The following AGA variants were observed in gnomAD, a reference collection of about 807,000 sequenced individuals.
AGA encodes the protein N(4)-(beta-N-acetylglucosaminyl)-L-asparaginase.
AGA carries 31 observed loss-of-function variants against 40.1 expected under a neutral mutation model. The observed-to-expected ratio is 0.77, with a 90% CI of 0.58 to 1.04. The LOEUF (loss-of-function observed/expected upper bound fraction) is 1.04, where lower values mean the gene tolerates loss of function less well. Among genes scored for constraint, AGA ranks in the 50% least tolerant of loss-of-function variants. The probability of loss-of-function intolerance (pLI) is 0.00; values close to 1 mark genes in which losing one functional copy is unlikely to be tolerated. For synonymous variants in AGA, 148 were observed against 144.0 expected, an observed-to-expected ratio of 1.03 and a Z score of -0.20; for missense variants, 445 against 435.4, an observed-to-expected ratio of 1.02 and a Z score of -0.20.
intron 1 of AGA, among the ~76,000 whole-genome samples, chr4:177,441,864 G>T (rs1025258184): frequency 1.3e-5 from 2 of 152,196 alleles, no homozygotes; most frequent in Non-Finnish European, 2.9e-5. Flanking sequence ...AAATTGCAAA[G>T]AAGTGAAGGA....
At chr4:177,442,154 G>A in intron 1 of AGA, 95 bp downstream of exon 1, 4 of 1,559,406 alleles carry the variant, frequency 2.6e-6, no homozygotes, top group Non-Finnish European at 3.5e-6. Flanking sequence ...GCGCTCTTCC[G>A]TCCGCCCTGC....
chr4:177,438,900 G>A, intron 3 of AGA, 43 bp from the exon 4 acceptor site: 1 of 1,252,890 alleles, frequency 8.0e-7, no homozygotes, highest in Non-Finnish European at 1.2e-6. Context: ...TTCAAGTATT[G>A]TCTTTTCAAC....
rs567783413 is a variant in AGA at position 177,434,611 on chromosome 4, A to G, written c.699-122T>C. The G allele has an allele frequency of 5.9e-5, 47 of 796,644 alleles. 1 individual carries two copies. Among genetic ancestry groups the G allele is most frequent in the Non-Finnish European group, 9.9e-5 (46 of 464,608 alleles). 49.3% of individuals were successfully genotyped at this position (796,644 alleles called of 1,614,324 possible). On this transcript the variant is annotated intron_variant, in intron 6 of 8. Transcript: ENST00000264595. Reference sequence around the variant, plus strand: ...TGATACCGTTTTAAGTAAATTCTTCATCGGAACAAAGACAGAACAGGTCTT... The same window carrying G: ...TGATACCGTTTTAAGTAAATTCTTCGTCGGAACAAAGACAGAACAGGTCTT...
intron 1 of AGA, among the ~76,000 whole-genome samples, chr4:177,441,580 C>T (rs1207054610): frequency 6.6e-6 from 1 of 152,128 alleles, no homozygotes; most frequent in African/African-American, 2.4e-5. Flanking sequence ...AGAGGTGATA[C>T]CTTAGCTTAG....
intron 6 of AGA, among the ~76,000 whole-genome samples, 189 bp downstream of exon 6, chr4:177,436,087 C>G (rs1736806109): frequency 1.3e-5 from 2 of 152,200 alleles, no homozygotes; most frequent in South Asian, 4.1e-4. Flanking sequence ...TCTGCCACCC[C>G]TAAACCCTAT....
At position 177,434,439 on chromosome 4, in the gene AGA, G is replaced by C. The variant is rs767529944; in HGVS notation, c.749C>G (p.Thr250Ser). The change falls in exon 7 of 9, where the codon ACT becomes AGT. Residue 250 changes from threonine to serine, a missense_variant. Coordinates refer to ENST00000264595, the MANE Select transcript of AGA (RefSeq NM_000027.4). ...IPGAGAYADDTAGAAAATGNG... is the reference protein window; with the variant it reads ...IPGAGAYADDSAGAAAATGNG... ...CCCAGTGGCTGCGGCTGCCCCTGCA[G>C]TATCGTCAGCATAGGCTCCAGCTCC... 1.7e-5 allele frequency: 27 copies of C among 1,614,082 alleles called. No homozygotes were observed. The highest frequency in any genetic ancestry group is 2.3e-5 in the Non-Finnish European group (27 of 1,180,050).
chr4:177,436,253 T>C, intron 6 of AGA, 23 bp downstream of exon 6: 1 of 1,585,436 alleles, frequency 6.3e-7, no homozygotes, highest in South Asian at 1.1e-5. Context: ...ATTTGAGAGC[T>C]CTGTTCTTTT....
At chr4:177,436,640 C>G (rs915172872) in intron 5 of AGA, among the ~76,000 whole-genome samples, 1 of 152,220 alleles carries the variant, frequency 6.6e-6, no homozygotes, top group Non-Finnish European at 1.5e-5. Flanking sequence ...AAGACGCCAT[C>G]CATGAGCCAG....
At chr4:177,431,899 G>A in intron 8 of AGA, 91 bp from the exon 9 acceptor site, 1 of 1,012,112 alleles carries the variant, frequency 9.9e-7, no homozygotes, top group South Asian at 1.4e-5. Flanking sequence ...CTAGACACTG[G>A]CTACTGTATA....
At chr4:177,435,350 A>C (rs1360257792) in intron 6 of AGA, among the ~76,000 whole-genome samples, 4 of 152,190 alleles carry the variant, frequency 2.6e-5, no homozygotes, top group African/African-American at 9.7e-5. Flanking sequence ...AATACACATA[A>C]TTTTCATTGT....
In AGA at chr4:177,439,466, A is replaced by C. The variant is rs1008879256; in HGVS notation, c.394+110T>G. 10 of 849,546 alleles carry C rather than the reference A, an allele frequency of 1.2e-5. No individual in the cohort carries two copies. The African/African-American group carries it at 1.7e-4, about 14-fold the overall frequency. The allele number at this position is 849,546 out of a possible 1,614,324, so 52.6% of individuals were successfully genotyped here. A position where few individuals can be genotyped will look rare whatever the true frequency, so the allele number is the denominator to read the frequency against. The stretch of plus-strand genomic sequence containing the variant: ...TCCAGTTCAATAGATGTTAAGTAAA[A>C]CAGCTGGAATTTGAACTTAGATCTG... On this transcript the variant is annotated intron_variant, in intron 3 of 8. Transcript: ENST00000264595.
chr4:177,432,268 G>A (rs1736657288), intron 8 of AGA, among the ~76,000 whole-genome samples: 1 of 152,062 alleles, frequency 6.6e-6, no homozygotes, highest in Non-Finnish European at 1.5e-5. Flanking sequence ...GTCTAATCAA[G>A]TTCATCTTCT....
rs1487395161 is a variant in AGA, at chr4:177,430,793, CATTT to C, written c.*911_*914del. On this transcript the variant is annotated 3_prime_UTR_variant, in exon 9 of 9. Transcript: ENST00000264595. ...CTAAAGTTTGAATATCGTACATGTA[CATTT>C]ATTAATGACTGTTGATTAAAAAGAT... 4.4e-6 allele frequency: 2 copies of C among 453,220 alleles called. No homozygotes were observed. Among genetic ancestry groups the C allele is most frequent in the Non-Finnish European group, 8.8e-6 (2 of 226,246 alleles). 28.1% of individuals were successfully genotyped at this position (453,220 alleles called of 1,614,324 possible). A position where few individuals can be genotyped will look rare whatever the true frequency, so the allele number is the denominator to read the frequency against.
rs79341619 is a variant in AGA at position 177,440,693 on chromosome 4, G to A, written c.128-267C>T. 0.022 allele frequency among the ~76,000 whole-genome samples: 3,292 copies of A among 150,562 alleles called. 77 individuals are homozygous for A. Among genetic ancestry groups the A allele is most frequent in the Admixed American group, 0.058 (874 of 15,104 alleles). ...TTACTAATATCTATCTCTTCTGTGT[G>A]CGAGAAACGAAATCAGTATCCCCTC... On this transcript the variant is annotated intron_variant, in intron 1 of 8. Coordinates refer to ENST00000264595, the MANE Select transcript of AGA (RefSeq NM_000027.4).
rs987496865 is a variant in AGA, at chr4:177,437,325, C to T, written c.622+80G>A. ...CAGTTAAAACAATCAAAATCAACTT[C>T]TGGTAGAAGAATAGGGAAGAGCTAC... On this transcript the variant is annotated intron_variant, in intron 5 of 8. Coordinates refer to ENST00000264595, the MANE Select transcript of AGA (RefSeq NM_000027.4). 17 of 977,870 alleles carry T rather than the reference C, an allele frequency of 1.7e-5. No homozygotes were observed. The South Asian group carries it at 2.0e-4, about 12-fold the overall frequency. 60.6% of individuals were successfully genotyped at this position (977,870 alleles called of 1,614,324 possible).
Position 177,438,734 on chromosome 4 carries a change from T to A in AGA, c.507+11A>T, listed in dbSNP as rs1426500064. The stretch of plus-strand genomic sequence containing the variant: ...AATTAACTTATTTTTTTAAATTAAA[T>A]GTGTGCATACCCTCCAATAATTTGG... On this transcript the variant is annotated intron_variant, in intron 4 of 8. Coordinates refer to ENST00000264595, the MANE Select transcript of AGA (RefSeq NM_000027.4). 6.6e-7 allele frequency: 1 copy of A among 1,515,526 alleles called. No homozygotes were observed. The highest frequency in any genetic ancestry group is 9.2e-7 in the Non-Finnish European group (1 of 1,090,486). The allele number at this position is 1,515,526 out of a possible 1,614,324, so 93.9% of individuals were successfully genotyped here.
Position 177,442,403 on chromosome 4 carries a change from GA to G in AGA, c.-29del, listed in dbSNP as rs765570735. 4 of 1,613,636 alleles carry G rather than the reference GA, an allele frequency of 2.5e-6. No homozygotes were observed. The African/African-American group carries it at 4.0e-5, about 16-fold the overall frequency. ...CTGACCACCGAAGAGACCAGCGCGA[GA>G]AAAGTCCCGGCAGCCAGCGATCGCC... is the stretch of plus-strand genomic sequence containing the variant. On this transcript the variant is annotated 5_prime_UTR_variant, in exon 1 of 9. Transcript: ENST00000264595.
At chr4:177,436,221 T>C in intron 6 of AGA, 55 bp downstream of exon 6, 3 of 1,434,322 alleles carry the variant, frequency 2.1e-6, no homozygotes, top group Admixed American at 3.3e-5. Flanking sequence ...ACCCGGCATA[T>C]ATTGCTCTGC....
At chr4:177,432,573 A>C (rs1411800528) in intron 8 of AGA, among the ~76,000 whole-genome samples, 2 of 152,230 alleles carry the variant, frequency 1.3e-5, no homozygotes, top group Admixed American at 1.3e-4. Flanking sequence ...GTAAAAGATC[A>C]AAGAACAATA....
Sources: gnomAD v4.1 joint callset for allele counts (sites outside exome capture counted in the v4.1 genomes callset) on GRCh38, gnomAD v4.1.1 for gene constraint, MANE v1.5 for transcripts, NCBI Gene and HGNC (gene_info 2026-07-23, HGNC 2026-07-21) for gene names.